HSF2BP: variants seen among roughly 807,000 people sequenced by gnomAD.
HSF2BP encodes the protein heat shock factor 2-binding protein.
HSF2BP carries 35 observed loss-of-function variants against 35.0 expected under a neutral mutation model. The ratio of observed to expected loss-of-function variants is 1.00; its 90% confidence interval spans 0.76 to 1.32. HSF2BP has a LOEUF of 1.32. HSF2BP is among the 40% of genes most tolerant of loss of function. The probability of loss-of-function intolerance (pLI) is 0.00; values close to 1 mark genes in which losing one functional copy is unlikely to be tolerated. For missense variants in HSF2BP, 326 were observed against 321.7 expected (o/e 1.01, Z -0.10); for synonymous variants, 114 against 117.4 (o/e 0.97, Z 0.18).
chr21:43,573,684 C>T (rs1420481660), intron 8 of HSF2BP, among the ~76,000 whole-genome samples: 2 of 152,142 alleles, frequency 1.3e-5, no homozygotes, highest in Non-Finnish European at 2.9e-5. Context: ...ACAAACTGTG[C>T]TGGTGGCGTC....
the HSF2BP span, among the ~76,000 whole-genome samples, chr21:43,467,457 G>C: frequency 5.9e-5 from 6 of 101,838 alleles, no homozygotes; most frequent in Non-Finnish European, 1.2e-4. Context: ...ACCTGCGGAA[G>C]TACTTGGCAT....
rs2082240490 is a variant in HSF2BP at position 43,613,964 on chromosome 21, AAC to A, written c.575-19_575-18del. ...CAGCAACATCTGCAACAGAAAATGAAACAAAACATCAAGATCATTATGACTCA... is the reference window on the plus strand; with the variant it reads ...CAGCAACATCTGCAACAGAAAATGAAAAAACATCAAGATCATTATGACTCA... On this transcript the variant is annotated intron_variant, in intron 6 of 8. Transcript: ENST00000291560. The A allele has an allele frequency of 6.5e-7, 1 of 1,537,598 alleles. No homozygotes were observed. Among genetic ancestry groups the A allele is most frequent in the African/African-American group, 1.4e-5 (1 of 73,230 alleles).
At chr21:43,580,860 C>A (rs1397916548) in intron 8 of HSF2BP, among the ~76,000 whole-genome samples, 1 of 152,166 alleles carries the variant, frequency 6.6e-6, no homozygotes, top group Admixed American at 6.5e-5. Context: ...TCTGACAATG[C>A]CACATATTTG....
chr21:43,641,732 G>C (rs1242403758), intron 4 of HSF2BP, among the ~76,000 whole-genome samples: 1 of 151,972 alleles, frequency 6.6e-6, no homozygotes, highest in Admixed American at 6.5e-5. Context: ...TGGATCACCT[G>C]AGGTCAGGAG....
intron 7 of HSF2BP, among the ~76,000 whole-genome samples, chr21:43,594,586 A>T (rs1193598195): frequency 6.6e-6 from 1 of 152,208 alleles, no homozygotes; most frequent in Non-Finnish European, 1.5e-5. Flanking sequence ...AGAAGAATAA[A>T]ATGAACTCAG....
At chr21:43,637,652 A>C (rs10427516) in intron 4 of HSF2BP, among the ~76,000 whole-genome samples, 1 of 134,092 alleles carries the variant, frequency 7.5e-6, no homozygotes, top group East Asian at 2.0e-4. Flanking sequence ...ACAAAAACTT[A>C]AAAAAAAAAA....
At chr21:43,638,182 G>A (rs548244762) in intron 4 of HSF2BP, among the ~76,000 whole-genome samples, 2 of 152,240 alleles carry the variant, frequency 1.3e-5, no homozygotes, top group East Asian at 3.9e-4. Context: ...TACAGGGGCC[G>A]GGTGCGGTGG....
chr21:43,654,669 G>C (rs907538225), intron 3 of HSF2BP, among the ~76,000 whole-genome samples: 3 of 152,118 alleles, frequency 2.0e-5, no homozygotes, highest in African/African-American at 7.2e-5. Flanking sequence ...TTTAGAATTT[G>C]AAATAATCAT....
Position 43,609,608 on chromosome 21 carries a change from A to G in HSF2BP, c.692+4222T>C, listed in dbSNP as rs200160661. Among the ~76,000 whole-genome samples, 4 of 152,162 alleles carry G rather than the reference A, an allele frequency of 2.6e-5. No individual in the cohort carries two copies. In the East Asian group the frequency reaches 7.7e-4, roughly 29 times the overall value. On this transcript the variant is annotated intron_variant, in intron 7 of 8. Coordinates refer to ENST00000291560, the MANE Select transcript of HSF2BP (RefSeq NM_007031.2). ...CAAGGCAGGGGGAGGCCAGGAAGAA[A>G]AGAGGCTGATTTATAGTATGAGAAA...
At chr21:43,601,916 T>C (rs188866096) in intron 7 of HSF2BP, among the ~76,000 whole-genome samples, 1 of 152,342 alleles carries the variant, frequency 6.6e-6, no homozygotes, top group East Asian at 1.9e-4. Context: ...CTAGAGTTAC[T>C]AAAGCTTTGA....
At chr21:43,576,914 TA>T (rs1286586064) in intron 8 of HSF2BP, among the ~76,000 whole-genome samples, 1 of 152,242 alleles carries the variant, frequency 6.6e-6, no homozygotes, top group East Asian at 1.9e-4. Context: ...TTCATTGGTC[TA>T]AAGTGGATAA....
intron 8 of HSF2BP, among the ~76,000 whole-genome samples, chr21:43,583,311 C>T: frequency 1.1e-5 from 1 of 88,722 alleles, no homozygotes; most frequent in Admixed American, 1.1e-4. Flanking sequence ...GGGATGAGGG[C>T]CTGGTGAGGG....
rs1022629606 is a variant in HSF2BP at position 43,647,251 on chromosome 21, T to A, written c.188-2859A>T. The stretch of plus-strand genomic sequence containing the variant: ...TATCTTCTGAAACAACAATTTTTTT[T>A]TTCCCCGAGACGGTGTCTCTCTGTC... On this transcript the variant is annotated intron_variant, in intron 3 of 8. Transcript: ENST00000291560. Among the ~76,000 whole-genome samples the A allele has an allele frequency of 2.0e-5, 3 of 151,346 alleles. No homozygotes were observed. In the South Asian group the frequency reaches 6.3e-4, roughly 32 times the overall value.
intron 4 of HSF2BP, among the ~76,000 whole-genome samples, chr21:43,641,649 CAGA>C (rs1397891949): frequency 1.3e-5 from 2 of 152,034 alleles, no homozygotes; most frequent in East Asian, 3.9e-4. Context: ...TTCACTCATA[CAGA>C]AGTACTTACT....
intron 7 of HSF2BP, among the ~76,000 whole-genome samples, chr21:43,595,263 A>C (rs1362782145): frequency 6.6e-6 from 1 of 152,216 alleles, no homozygotes. Context: ...CTCTAAAAAA[A>C]AAAGTTTGCA....
At chr21:43,617,400 T>C (rs1396685541) in intron 6 of HSF2BP, among the ~76,000 whole-genome samples, 1 of 151,652 alleles carries the variant, frequency 6.6e-6, no homozygotes, top group Non-Finnish European at 1.5e-5. Flanking sequence ...TAAATGTGAA[T>C]AAATTCCTAC....
At chr21:43,654,425 C>T (rs2082838013) in intron 3 of HSF2BP, among the ~76,000 whole-genome samples, 1 of 152,230 alleles carries the variant, frequency 6.6e-6, no homozygotes, top group African/African-American at 2.4e-5. Context: ...GCTTCGCAGT[C>T]AGACTTAATA....
intron 8 of HSF2BP, among the ~76,000 whole-genome samples, chr21:43,591,564 C>CT (rs1285797034): frequency 1.3e-5 from 2 of 152,124 alleles, no homozygotes; most frequent in East Asian, 1.9e-4. Context: ...TAAAATTTGA[C>CT]TTTTTTTAAA....
Position 43,595,602 on chromosome 21 carries a change from G to A in HSF2BP, c.693-3274C>T, listed in dbSNP as rs376741575. Among the ~76,000 whole-genome samples, 3 of 152,050 alleles carry A rather than the reference G, an allele frequency of 2.0e-5. No individual in the cohort carries two copies. The South Asian group carries it at 6.2e-4, about 32-fold the overall frequency. On this transcript the variant is annotated intron_variant, in intron 7 of 8. Coordinates refer to ENST00000291560, the MANE Select transcript of HSF2BP (RefSeq NM_007031.2). ...GAGCCCAGGAGGTCGAGGCTGCAAT[G>A]AGCTGTGACAGTGCTACTACACTCC...
Sources: allele counts gnomAD v4.1 joint callset (sites outside exome capture counted in the v4.1 genomes callset), GRCh38; gene constraint gnomAD v4.1.1; transcripts MANE v1.5; gene names NCBI Gene and HGNC (gene_info 2026-07-23, HGNC 2026-07-21).